Variants in DEPDC5 observed in about 807,000 individuals in gnomAD.
DEPDC5 encodes DEP domain containing 5, GATOR1 subcomplex subunit, also known as GATOR1 complex protein DEPDC5.
Under a neutral mutation model 217.3 loss-of-function variants are expected in DEPDC5, and 73 were observed. The observed-to-expected ratio is 0.34, with a 90% CI of 0.28 to 0.41. DEPDC5 has a LOEUF of 0.41. Ranked by LOEUF, DEPDC5 falls within the 10% of genes least tolerant of loss-of-function variation. The probability of loss-of-function intolerance (pLI) is 1.00; values close to 1 mark genes in which losing one functional copy is unlikely to be tolerated. For synonymous variants in DEPDC5, 733 were observed against 756.7 expected (o/e 0.97, Z 0.51); for missense variants, 1,675 against 2,070.1 (o/e 0.81, Z 3.70).
At chr22:31,797,776 ATGTG>A (rs1255440036) in intron 13 of DEPDC5, 73 bp downstream of exon 13, 1 of 1,166,524 alleles carries the variant, frequency 8.6e-7, no homozygotes, top group South Asian at 1.3e-5. Flanking sequence ...CAGAGAAGAG[ATGTG>A]TGCTTGTTTC....
At chr22:31,866,828 G>A (rs2092702282) in intron 33 of DEPDC5, among the ~76,000 whole-genome samples, 2 of 152,128 alleles carry the variant, frequency 1.3e-5, no homozygotes, top group South Asian at 4.1e-4. Flanking sequence ...ATACCCCAGA[G>A]GGGAAGTGCC....
At chr22:31,864,221 G>T (rs1055050331) in intron 33 of DEPDC5, among the ~76,000 whole-genome samples, 1 of 150,716 alleles carries the variant, frequency 6.6e-6, no homozygotes, top group African/African-American at 2.4e-5. Flanking sequence ...TGATTGTCCT[G>T]CCCCAGCCTC....
At chr22:31,849,096 A>G (rs1356225015) in intron 31 of DEPDC5, among the ~76,000 whole-genome samples, 2 of 152,116 alleles carry the variant, frequency 1.3e-5, no homozygotes, top group Non-Finnish European at 2.9e-5. Flanking sequence ...ACTTTCCCAC[A>G]TCTTCCTGTC....
intron 7 of DEPDC5, 151 bp downstream of exon 7, chr22:31,769,014 A>G (rs1056101572): frequency 2.1e-6 from 2 of 973,676 alleles, no homozygotes; most frequent in East Asian, 2.7e-5. Context: ...TAATCCTAGC[A>G]CTTTGGGAGG....
At chr22:31,879,105 TACATATATATAC>T (rs973519263) in intron 37 of DEPDC5, among the ~76,000 whole-genome samples, 2 of 132,124 alleles carry the variant, frequency 1.5e-5, no homozygotes, top group African/African-American at 3.3e-5. Flanking sequence ...CACATATATA[TACATATATATAC>T]ACATATATAT....
chr22:31,764,575 C>G (rs552281128), intron 4 of DEPDC5, among the ~76,000 whole-genome samples: 18 of 152,146 alleles, frequency 1.2e-4, no homozygotes, highest in African/African-American at 4.3e-4. Flanking sequence ...ACCATCATGC[C>G]TGGCTAATTT....
At position 31,821,559 on chromosome 22, in the gene DEPDC5, T is replaced by C. The variant is rs753414060; in HGVS notation, c.1928T>C (p.Leu643Pro). The part of the protein sequence containing the change: ...HHQTRQNMAE[L>P]QGSGQRDPTH... The stretch of plus-strand genomic sequence containing the variant: ...CAGACCCGACAGAATATGGCGGAGC[T>C]ACAAGGCAGCGGGCAGAGGGATCCA... The change falls in exon 23 of 43, where the codon CTA becomes CCA. Residue 643 changes from leucine to proline, a missense_variant. Coordinates refer to ENST00000651528, the MANE Select transcript of DEPDC5 (RefSeq NM_001242896.3). 1 of 1,614,186 alleles carries C rather than the reference T, an allele frequency of 6.2e-7. No individual in the cohort carries two copies. Among genetic ancestry groups the C allele is most frequent in the Non-Finnish European group, 8.5e-7 (1 of 1,180,034 alleles).
At chr22:31,804,626 G>A (rs1326995774) in intron 16 of DEPDC5, among the ~76,000 whole-genome samples, 1 of 152,180 alleles carries the variant, frequency 6.6e-6, no homozygotes, top group Non-Finnish European at 1.5e-5. Context: ...TTTTAGTAGA[G>A]ACGGGGTTTC....
rs775666547 is a variant in DEPDC5 at position 31,821,519 on chromosome 22, A to G, written c.1888A>G (p.Ile630Val). The G allele has an allele frequency of 2.5e-6, 4 of 1,614,248 alleles. No homozygotes were observed. In the Admixed American group the frequency reaches 6.7e-5, roughly 27 times the overall value. ...CTGGGTAGGGCCATCCGGAGAAGCC[A>G]TCCAGATCCACCACCAGACCCGACA... ...TFPVGPSGEAIQIHHQTRQNM... is the reference protein window; with the variant it reads ...TFPVGPSGEAVQIHHQTRQNM... The change falls in exon 23 of 43, where the codon ATC becomes GTC. Residue 630 changes from isoleucine (I) to valine (V), a missense_variant. Ile to Val is a conservative substitution (Grantham distance 29). Coordinates refer to ENST00000651528, the MANE Select transcript of DEPDC5 (RefSeq NM_001242896.3).
rs1451180516 is a variant in DEPDC5, at chr22:31,794,479, T to G, written c.767+1662T>G. ...TTATAGGTGTATATGACTATATATT[T>G]TTAATATATGAAAGTTTATGTCATT... On this transcript the variant is annotated intron_variant, in intron 12 of 42. Transcript: ENST00000651528. 2.6e-5 allele frequency among the ~76,000 whole-genome samples: 4 copies of G among 152,292 alleles called. No individual in the cohort carries two copies. In the South Asian group the frequency reaches 8.3e-4, roughly 32 times the overall value.
At chr22:31,821,712 C>G in intron 23 of DEPDC5, 75 bp downstream of exon 23, 1 of 1,559,368 alleles carries the variant, frequency 6.4e-7, no homozygotes, top group East Asian at 2.3e-5. Context: ...GCAGAACAGA[C>G]TATTGACAAA....
intron 11 of DEPDC5, among the ~76,000 whole-genome samples, 197 bp downstream of exon 11, chr22:31,792,299 A>T (rs1293347972): frequency 6.6e-6 from 1 of 152,062 alleles, no homozygotes; most frequent in Non-Finnish European, 1.5e-5. Context: ...ATTCATCTTA[A>T]AACCAACTTA....
In DEPDC5 at chr22:31,816,234, A is replaced by T. The variant is rs146893024; in HGVS notation, c.1666+1022A>T. ...AGAATCACTTGAACCTGGCAGGCGTAGTTGCAGTGAGCCGAGATTCCACCA... is the reference window on the plus strand; with the variant it reads ...AGAATCACTTGAACCTGGCAGGCGTTGTTGCAGTGAGCCGAGATTCCACCA... On this transcript the variant is annotated intron_variant, in intron 21 of 42. Transcript: ENST00000651528. The T allele has an allele frequency of 7.1e-4, 108 of 152,850 alleles. 1 individual carries two copies. The highest frequency in any genetic ancestry group is 1.3e-3 in the South Asian group (6 of 4,730). The allele number at this position is 152,850 out of a possible 1,614,324, so 9.5% of individuals were successfully genotyped here. A position where few individuals can be genotyped will look rare whatever the true frequency, so the allele number is the denominator to read the frequency against.
chr22:31,888,245 T>G (rs1480899823), intron 38 of DEPDC5, among the ~76,000 whole-genome samples: 3 of 136,310 alleles, frequency 2.2e-5, no homozygotes, highest in Non-Finnish European at 4.7e-5. Flanking sequence ...CTGTGGTTTT[T>G]TTTTTTTTTT....
At chr22:31,902,576 A>G (rs1034566876) in intron 41 of DEPDC5, among the ~76,000 whole-genome samples, 10 of 151,986 alleles carry the variant, frequency 6.6e-5, no homozygotes, top group African/African-American at 2.2e-4. Context: ...GAATGAAGGC[A>G]AGGGTGGCTG....
intron 39 of DEPDC5, among the ~76,000 whole-genome samples, chr22:31,896,461 A>AT (rs1482080680): frequency 6.6e-6 from 1 of 151,632 alleles, no homozygotes; most frequent in African/African-American, 2.4e-5. Context: ...TCCCAACTCT[A>AT]TTTTTTTGGA....
At chr22:31,830,785 A>G (rs1392787601) in intron 24 of DEPDC5, among the ~76,000 whole-genome samples, 1 of 148,392 alleles carries the variant, frequency 6.7e-6, no homozygotes, top group Non-Finnish European at 1.5e-5. Flanking sequence ...TGAACTCTTT[A>G]TTAGTGTAAG....
intron 38 of DEPDC5, among the ~76,000 whole-genome samples, chr22:31,889,986 C>T (rs1256989690): frequency 1.3e-5 from 2 of 152,076 alleles, no homozygotes; most frequent in Non-Finnish European, 2.9e-5. Flanking sequence ...CCATGGGCGG[C>T]ACAGACAGGC....
intron 24 of DEPDC5, among the ~76,000 whole-genome samples, chr22:31,830,630 C>T (rs1040500988): frequency 1.4e-5 from 2 of 142,464 alleles, no homozygotes; most frequent in East Asian, 2.1e-4. Context: ...TATGCGTGTA[C>T]GTGTGTGTGT....
Sources: allele counts gnomAD v4.1 joint callset (sites outside exome capture counted in the v4.1 genomes callset), GRCh38; gene constraint gnomAD v4.1.1; transcripts MANE v1.5; gene names NCBI Gene and HGNC (gene_info 2026-07-23, HGNC 2026-07-21).